TRAPPC8: variants seen among roughly 807,000 people sequenced by gnomAD.
TRAPPC8 encodes the protein trafficking protein particle complex subunit 8, also known as general sporulation gene 1 homolog.
Under a neutral mutation model 174.3 loss-of-function variants are expected in TRAPPC8, and 54 were observed. That is an observed-to-expected ratio of 0.31 (90% CI 0.25 to 0.39). The LOEUF is 0.39. Among genes scored for constraint, TRAPPC8 ranks in the 10% least tolerant of loss-of-function variants. TRAPPC8 has a pLI of 1.00. For missense variants in TRAPPC8, 1,531 were observed against 1,699.1 expected (o/e 0.90, Z 1.74); for synonymous variants, 630 against 579.9 (o/e 1.09, Z -1.24).
chr18:31,931,216 C>A, intron 2 of TRAPPC8, 113 bp downstream of exon 2: 1 of 989,332 alleles, frequency 1.0e-6, no homozygotes, highest in African/African-American at 1.6e-5. Flanking sequence ...TTCTCAGGCC[C>A]TAGCACTTAG....
At chr18:31,880,666 A>T (rs1438447985) in intron 12 of TRAPPC8, among the ~76,000 whole-genome samples, 1 of 152,142 alleles carries the variant, frequency 6.6e-6, no homozygotes, top group African/African-American at 2.4e-5. Context: ...GCAATCACGC[A>T]AGAGAAAGAA....
At chr18:31,933,607 A>G (rs1207624191) in intron 1 of TRAPPC8, among the ~76,000 whole-genome samples, 1 of 152,164 alleles carries the variant, frequency 6.6e-6, no homozygotes, top group African/African-American at 2.4e-5. Flanking sequence ...CACCTGCACC[A>G]TGGGTTATTA....
rs535907032 is a variant in TRAPPC8, at chr18:31,908,566, C to G, written c.1123-148G>C. On this transcript the variant is annotated intron_variant, in intron 7 of 28. Coordinates refer to ENST00000283351, the MANE Select transcript of TRAPPC8 (RefSeq NM_014939.5). ...AAACTGTCCAATATGCTGGCAAAAT[C>G]CTATTGAAAATGAATAAGCCTCTTC... The G allele has an allele frequency of 4.2e-5, 37 of 874,038 alleles. 1 individual carries two copies. In the East Asian group the frequency reaches 1.0e-3, roughly 25 times the overall value. The allele number at this position is 874,038 out of a possible 1,614,324, so 54.1% of individuals were successfully genotyped here.
rs1225614865 is a variant in TRAPPC8, at chr18:31,917,657, T to C, written c.363A>G (p.Pro121=). ...AGGTTTCTCTGTAAGACTCAAACCA[T>C]GGAGTAGTGGCTAAAATTAACAATA... The part of the protein sequence containing the change: ...DYDLNISATT[P]WFESYRETFL... Residue 121 remains proline (P), a synonymous_variant, in exon 3 of 29, where the codon CCA becomes CCG. Transcript: ENST00000283351. 3 of 1,612,384 alleles carry C rather than the reference T, an allele frequency of 1.9e-6. No homozygotes were observed. The South Asian group carries it at 3.3e-5, about 18-fold the overall frequency.
At chr18:31,891,675 T>C (rs2035959822) in intron 11 of TRAPPC8, among the ~76,000 whole-genome samples, 1 of 152,226 alleles carries the variant, frequency 6.6e-6, no homozygotes, top group Non-Finnish European at 1.5e-5. Context: ...TCCAGGTTTT[T>C]AGCTGTTCTC....
At chr18:31,866,147 A>T (rs1036222278) in intron 18 of TRAPPC8, among the ~76,000 whole-genome samples, 19 of 152,124 alleles carry the variant, frequency 1.2e-4, no homozygotes, top group African/African-American at 4.3e-4. Flanking sequence ...TTGTTGTAAA[A>T]TAAGACATAT....
intron 21 of TRAPPC8, 38 bp downstream of exon 21, chr18:31,855,620 AAT>A: frequency 6.4e-7 from 1 of 1,561,538 alleles, no homozygotes; most frequent in African/African-American, 1.4e-5. Context: ...AAACACTTCA[AAT>A]ATAATTAAAA....
At chr18:31,934,366 G>A (rs1195768393) in intron 1 of TRAPPC8, among the ~76,000 whole-genome samples, 24 of 152,012 alleles carry the variant, frequency 1.6e-4, no homozygotes. Flanking sequence ...ATATTTGTTA[G>A]TTCTGGGTAG....
At position 31,942,992 on chromosome 18, in the gene TRAPPC8, C is replaced by T. The variant is rs933437632; in HGVS notation, c.-228G>A. The T allele has an allele frequency of 2.2e-6, 2 of 898,528 alleles. No individual in the cohort carries two copies. The highest frequency in any genetic ancestry group is 2.9e-6 in the Non-Finnish European group (2 of 681,610). 55.7% of individuals were successfully genotyped at this position (898,528 alleles called of 1,614,324 possible). On this transcript the variant is annotated 5_prime_UTR_variant, in exon 1 of 29. Transcript: ENST00000283351. ...ACCGCCGCTTCTCAGCGCTCGTCCCCGCGTGCTCGCATTCCACCCCGATAG... is the reference window on the plus strand; with the variant it reads ...ACCGCCGCTTCTCAGCGCTCGTCCCTGCGTGCTCGCATTCCACCCCGATAG...
rs1343840175 is a variant in TRAPPC8, at chr18:31,866,871, A to T, written c.2568T>A (p.Gly856=). The part of the protein sequence containing the change: ...IQGSMTVDGI[G]ALPGCHTGKY... ...TACCTGTGTGACATCCGGGAAGAGC[A>T]CCAATGCCATCTACTGTCATAGAGC... The change falls in exon 18 of 29, where the codon GGT becomes GGA. Residue 856 remains glycine, a synonymous_variant. Coordinates refer to ENST00000283351, the MANE Select transcript of TRAPPC8 (RefSeq NM_014939.5). The T allele has an allele frequency of 6.2e-7, 1 of 1,613,584 alleles. No individual in the cohort carries two copies. The highest frequency in any genetic ancestry group is 2.2e-5 in the East Asian group (1 of 44,790).
chr18:31,866,963 G>T lies in TRAPPC8; in HGVS notation c.2476C>A (p.Leu826Ile). The T allele has an allele frequency of 6.2e-7, 1 of 1,613,464 alleles. No homozygotes were observed. The highest frequency in any genetic ancestry group is 8.5e-7 in the Non-Finnish European group (1 of 1,179,626). Residue 826 changes from leucine to isoleucine, a missense_variant, in exon 18 of 29, where the codon CTC becomes ATC. Transcript: ENST00000283351. Reference protein sequence around the residue: ...GEESKVARLKLFPHHIGELHI... With the variant: ...GEESKVARLKIFPHHIGELHI... ...AGCTCCCCTATGTGATGGGGAAAGA[G>T]CTTTAGTCTTGCCTGTGGAGATATT...
chr18:31,844,324 G>A (rs1296288200), intron 26 of TRAPPC8: 1 of 152,190 alleles, frequency 6.6e-6, no homozygotes, highest in Non-Finnish European at 1.5e-5. Flanking sequence ...TCAGAAAGAA[G>A]TAACTATAAG....
chr18:31,903,121 C>CATGT (rs1555674908), intron 9 of TRAPPC8, among the ~76,000 whole-genome samples: 6 of 149,104 alleles, frequency 4.0e-5, no homozygotes, highest in African/African-American at 1.5e-4. Flanking sequence ...TGCGTGCGTG[C>CATGT]GTGTGTGTGT....
At chr18:31,919,402 G>A (rs909021964) in intron 2 of TRAPPC8, among the ~76,000 whole-genome samples, 13 of 151,532 alleles carry the variant, frequency 8.6e-5, no homozygotes, top group African/African-American at 2.4e-4. Context: ...GCATGGTGGC[G>A]CCCTTGTGCA....
intron 17 of TRAPPC8, 140 bp downstream of exon 17, chr18:31,867,262 C>T: frequency 1.4e-6 from 1 of 715,774 alleles, no homozygotes; most frequent in Non-Finnish European, 2.3e-6. Context: ...TCCTCCTGAG[C>T]AATTCCTATG....
intron 20 of TRAPPC8, 51 bp from the exon 21 acceptor site, chr18:31,855,858 T>C (rs1467078317): frequency 4.6e-6 from 7 of 1,537,628 alleles, no homozygotes; most frequent in Non-Finnish European, 6.1e-6. Flanking sequence ...AGTCTCTATG[T>C]TATAATTATC....
In TRAPPC8 at chr18:31,849,703, A is replaced by C; in HGVS notation, c.3598T>G (p.Tyr1200Asp). 1 of 1,610,962 alleles carries C rather than the reference A, an allele frequency of 6.2e-7. No homozygotes were observed. The highest frequency in any genetic ancestry group is 8.5e-7 in the Non-Finnish European group (1 of 1,178,408). The stretch of plus-strand genomic sequence containing the variant: ...TTCAATTCAGAAGATAAACTTCGAT[A>C]AAAGAAGTCTGCACATGGGCTTGCT... ...SSASPCADFF[Y>D]RSLSSELKKP... Residue 1200 changes from tyrosine (Y) to aspartate (D), a missense_variant, in exon 25 of 29, where the codon TAT (tyrosine) becomes GAT (aspartate). Transcript: ENST00000283351.
At chr18:31,896,070 A>G (rs1351502875) in intron 11 of TRAPPC8, 3 of 152,236 alleles carry the variant, frequency 2.0e-5, no homozygotes, top group African/African-American at 7.2e-5. Context: ...AAGCTTAAAC[A>G]TAATTTCCAA....
chr18:31,879,437 G>A (rs879829029), intron 12 of TRAPPC8, among the ~76,000 whole-genome samples: 3 of 152,026 alleles, frequency 2.0e-5, no homozygotes, highest in Non-Finnish European at 4.4e-5. Context: ...AATGAACACA[G>A]AAACACAACA....
Sources: allele counts gnomAD v4.1 joint callset (sites outside exome capture counted in the v4.1 genomes callset), GRCh38; gene constraint gnomAD v4.1.1; transcripts MANE v1.5; gene names NCBI Gene and HGNC (gene_info 2026-07-23, HGNC 2026-07-21).